ITPR2: variants seen among roughly 807,000 people sequenced by gnomAD.
ITPR2 encodes the protein inositol 1,4,5-trisphosphate receptor type 2.
In ITPR2, 207 loss-of-function variants were observed where a neutral mutation model predicts 317.1. The observed-to-expected ratio is 0.65, with a 90% CI of 0.58 to 0.73. The LOEUF is 0.73. Among genes scored for constraint, ITPR2 ranks in the 30% least tolerant of loss-of-function variants. The probability of loss-of-function intolerance (pLI) is 0.00; values close to 1 mark genes in which losing one functional copy is unlikely to be tolerated. For synonymous variants in ITPR2, 1,156 were observed against 1,149.1 expected, an observed-to-expected ratio of 1.01 and a Z score of -0.12; for missense variants, 2,613 against 3,284.0, an observed-to-expected ratio of 0.80 and a Z score of 4.99.
chr12:26,368,533 A>T (rs1260833702), intron 55 of ITPR2, among the ~76,000 whole-genome samples: 1 of 152,198 alleles, frequency 6.6e-6, no homozygotes, highest in Non-Finnish European at 1.5e-5. Context: ...AGAGAGGTTA[A>T]GCAAATTCCC....
chr12:26,664,006 T>C (rs1947563216), intron 14 of ITPR2, among the ~76,000 whole-genome samples, 160 bp from the exon 15 acceptor site: 1 of 152,098 alleles, frequency 6.6e-6, no homozygotes, highest in Admixed American at 6.5e-5. Context: ...GACCAACATA[T>C]CAAGGATCAG....
At chr12:26,722,857 A>C (rs1318789854) in intron 4 of ITPR2, among the ~76,000 whole-genome samples, 1 of 152,202 alleles carries the variant, frequency 6.6e-6, no homozygotes, top group African/African-American at 2.4e-5. Context: ...GGTTTTCCAA[A>C]GGAGACCTTG....
At chr12:26,412,378 G>A (rs999421804) in intron 51 of ITPR2, among the ~76,000 whole-genome samples, 4 of 152,214 alleles carry the variant, frequency 2.6e-5, no homozygotes, top group African/African-American at 9.6e-5. Flanking sequence ...CCCAGACACA[G>A]ATTTACCTCC....
chr12:26,648,045 C>T (rs1044095333), intron 21 of ITPR2, among the ~76,000 whole-genome samples: 2 of 152,162 alleles, frequency 1.3e-5, no homozygotes, highest in Admixed American at 1.3e-4. Context: ...ATGAGGACAA[C>T]TTACAATGAC....
intron 35 of ITPR2, among the ~76,000 whole-genome samples, chr12:26,561,334 A>C (rs2137028387): frequency 6.6e-6 from 1 of 152,338 alleles, no homozygotes; most frequent in East Asian, 1.9e-4. Context: ...AGCCCTGGCA[A>C]ACTAATACAA....
intron 45 of ITPR2, among the ~76,000 whole-genome samples, chr12:26,467,381 T>TTC (rs1434140774): frequency 6.6e-6 from 1 of 151,956 alleles, no homozygotes; most frequent in Non-Finnish European, 1.5e-5. Context: ...CTCTTTCTCT[T>TTC]TCTCTCTCTC....
At chr12:26,551,863 T>C (rs1255072804) in intron 36 of ITPR2, among the ~76,000 whole-genome samples, 3 of 152,176 alleles carry the variant, frequency 2.0e-5, no homozygotes, top group Non-Finnish European at 2.9e-5. Context: ...GTGTAAGAGA[T>C]GTGGTTTGGA....
chr12:26,450,604 G>A (rs776152811), intron 45 of ITPR2, among the ~76,000 whole-genome samples: 16 of 152,060 alleles, frequency 1.1e-4, no homozygotes, highest in East Asian at 1.9e-4. Context: ...TACTCACTAC[G>A]GCAGGTGAAT....
chr12:26,347,745 G>A (rs753885488), intron 55 of ITPR2, among the ~76,000 whole-genome samples: 1 of 152,162 alleles, frequency 6.6e-6, no homozygotes, highest in Non-Finnish European at 1.5e-5. Context: ...TTCTTCTGGG[G>A]TATGCTAACG....
chr12:26,538,796 C>T (rs1461182231), intron 37 of ITPR2, among the ~76,000 whole-genome samples: 3 of 152,062 alleles, frequency 2.0e-5, no homozygotes, highest in Non-Finnish European at 4.4e-5. Context: ...AGGCTGGTCT[C>T]GAACTCCTGA....
At chr12:26,699,905 T>A (rs895961) in intron 9 of ITPR2, among the ~76,000 whole-genome samples, 26,294 of 152,198 alleles carry the variant, frequency 0.17, 3,005 homozygotes, top group Non-Finnish European at 0.25. Context: ...TAGGACTTAA[T>A]GTCTTTATGT....
chr12:26,450,277 A>G (rs541537521), intron 45 of ITPR2, among the ~76,000 whole-genome samples: 37 of 152,284 alleles, frequency 2.4e-4, no homozygotes, highest in African/African-American at 8.7e-4. Flanking sequence ...AGCCCTAGGA[A>G]GTTAACACAA....
chr12:26,767,986 A>G (rs1390136747), intron 2 of ITPR2, among the ~76,000 whole-genome samples: 1 of 152,172 alleles, frequency 6.6e-6, no homozygotes, highest in Non-Finnish European at 1.5e-5. Context: ...CCCTTATTTC[A>G]TGCCGCCTCC....
At position 26,336,980 on chromosome 12, in the gene ITPR2, G is replaced by GTTTTTTTTTTTTTTTTTTTT. The variant is rs67842212; in HGVS notation, c.*2416_*2417insAAAAAAAAAAAAAAAAAAAA. The GTTTTTTTTTTTTTTTTTTTT allele has an allele frequency of 2.9e-5, 4 of 137,268 alleles. 1 individual carries two copies. Among genetic ancestry groups the GTTTTTTTTTTTTTTTTTTTT allele is most frequent in the Non-Finnish European group, 3.1e-5 (2 of 64,152 alleles). 8.5% of individuals were successfully genotyped at this position (137,268 alleles called of 1,614,324 possible). A position where few individuals can be genotyped will look rare whatever the true frequency, so the allele number is the denominator to read the frequency against. On this transcript the variant is annotated 3_prime_UTR_variant, in exon 57 of 57. Transcript: ENST00000381340. ...TTGTCTGCTTCGATTTTTTGTTGCT[G>GTTTTTTTTTTTTTTTTTTTT]TTTTTTTTTTTTTTGCTTTATAATT...
chr12:26,566,471 GGAGGAGGGA>G (rs527282032), intron 34 of ITPR2, among the ~76,000 whole-genome samples: 1,599 of 136,568 alleles, frequency 0.012, 29 homozygotes, highest in African/African-American at 0.039. Context: ...GAGGAGAGGA[GGAGGAGGGA>G]GAGGAGGGAG....
chr12:26,713,394 T>C (rs966305317), intron 8 of ITPR2, among the ~76,000 whole-genome samples: 3 of 152,086 alleles, frequency 2.0e-5, no homozygotes, highest in Non-Finnish European at 4.4e-5. Flanking sequence ...GAAATAAGCC[T>C]ACCACCGATA....
At chr12:26,733,839 T>A (rs1949069529) in intron 2 of ITPR2, among the ~76,000 whole-genome samples, 1 of 152,196 alleles carries the variant, frequency 6.6e-6, no homozygotes, top group South Asian at 2.1e-4. Flanking sequence ...TGTGCCATGT[T>A]AACACTGATA....
At chr12:26,778,771 A>T (rs1950024105) in intron 2 of ITPR2, among the ~76,000 whole-genome samples, 2 of 152,222 alleles carry the variant, frequency 1.3e-5, no homozygotes, top group African/African-American at 4.8e-5. Context: ...TATTTGTGAG[A>T]CATTTGCGTG....
chr12:26,637,247 A>C (rs1946882656), intron 21 of ITPR2, among the ~76,000 whole-genome samples: 1 of 152,184 alleles, frequency 6.6e-6, no homozygotes, highest in Non-Finnish European at 1.5e-5. Flanking sequence ...GGAAGATATA[A>C]GAAAGGAAGA....
Sources: allele counts gnomAD v4.1 joint callset (sites outside exome capture counted in the v4.1 genomes callset), GRCh38; gene constraint gnomAD v4.1.1; transcripts MANE v1.5; gene names NCBI Gene and HGNC (gene_info 2026-07-23, HGNC 2026-07-21).